The following CACNA2D1 variants were observed in gnomAD, a reference collection of about 807,000 sequenced individuals.
CACNA2D1 encodes the protein calcium voltage-gated channel auxiliary subunit alpha2delta 1.
Under a neutral mutation model 171.5 loss-of-function variants are expected in CACNA2D1, and 53 were observed. That is an observed-to-expected ratio of 0.31 (90% confidence interval 0.25 to 0.39). The LOEUF (loss-of-function observed/expected upper bound fraction) is 0.39. Ranked by LOEUF, CACNA2D1 falls within the 10% of genes least tolerant of loss-of-function variation. The probability of loss-of-function intolerance (pLI) is 1.00; values close to 1 mark genes in which losing one functional copy is unlikely to be tolerated. For missense variants in CACNA2D1, 903 were observed against 1,299.8 expected, an observed-to-expected ratio of 0.69 and a Z score of 4.69; for synonymous variants, 442 against 443.1, an observed-to-expected ratio of 1.00 and a Z score of 0.03.
intron 24 of CACNA2D1, among the ~76,000 whole-genome samples, chr7:81,980,403 C>A (rs1195647374): frequency 6.6e-6 from 1 of 151,924 alleles, no homozygotes; most frequent in Non-Finnish European, 1.5e-5. Flanking sequence ...TGTGCTCCAA[C>A]AAAAATTTAT....
At chr7:82,353,647 T>C (rs1820098133) in intron 1 of CACNA2D1, among the ~76,000 whole-genome samples, 1 of 151,708 alleles carries the variant, frequency 6.6e-6, no homozygotes, top group African/African-American at 2.4e-5. Context: ...CCAAGAACAA[T>C]GGTATCACAA....
intron 7 of CACNA2D1, among the ~76,000 whole-genome samples, chr7:82,067,973 C>G (rs1348628900): frequency 1.3e-5 from 2 of 152,142 alleles, no homozygotes; most frequent in African/African-American, 4.8e-5. Context: ...CCTTTCAATA[C>G]TTTTCCTTTA....
intron 24 of CACNA2D1, among the ~76,000 whole-genome samples, chr7:81,978,582 G>C (rs1442038055): frequency 6.6e-6 from 1 of 151,868 alleles, no homozygotes; most frequent in Non-Finnish European, 1.5e-5. Context: ...GCCTGTTGGG[G>C]GGCAAGGGGA....
intron 3 of CACNA2D1, among the ~76,000 whole-genome samples, chr7:82,188,067 G>A (rs962945102): frequency 1.3e-5 from 2 of 152,242 alleles, no homozygotes; most frequent in African/African-American, 4.8e-5. Context: ...TGGTGAGGGA[G>A]CTCTCTGGGG....
At position 82,420,703 on chromosome 7, in the gene CACNA2D1, C is replaced by T. The variant is rs1035628386; in HGVS notation, c.95+22662G>A. Among the ~76,000 whole-genome samples, 7 of 152,022 alleles carry T rather than the reference C, an allele frequency of 4.6e-5. 1 individual carries two copies. The highest frequency in any genetic ancestry group is 2.0e-4 in the Admixed American group (3 of 15,248). The stretch of plus-strand genomic sequence containing the variant: ...GCTTTAAATGTTTTGAAGTCCTTGC[C>T]GCATTATTTATAAACAACAACTTTG... On this transcript the variant is annotated intron_variant, in intron 1 of 38. Transcript: ENST00000356860.
chr7:82,051,213 T>C (rs1017343689), intron 10 of CACNA2D1: 2 of 152,302 alleles, frequency 1.3e-5, no homozygotes, highest in African/African-American at 2.4e-5. Flanking sequence ...CACAGAGGTC[T>C]GGACCCAGGA....
At chr7:82,142,488 G>A (rs1427781007) in intron 4 of CACNA2D1, among the ~76,000 whole-genome samples, 2 of 152,136 alleles carry the variant, frequency 1.3e-5, no homozygotes, top group Non-Finnish European at 2.9e-5. Flanking sequence ...AAAATCTGAG[G>A]CACACATGCA....
At chr7:82,104,083 T>C (rs1468590035) in intron 6 of CACNA2D1, among the ~76,000 whole-genome samples, 1 of 152,038 alleles carries the variant, frequency 6.6e-6, no homozygotes, top group Non-Finnish European at 1.5e-5. Context: ...TAGAATACTG[T>C]AATATTTGTG....
chr7:82,269,431 T>C (rs1231249635), intron 3 of CACNA2D1, among the ~76,000 whole-genome samples: 1 of 152,164 alleles, frequency 6.6e-6, no homozygotes, highest in Non-Finnish European at 1.5e-5. Flanking sequence ...CAGCCTCATG[T>C]CTCACCATTT....
At chr7:82,161,427 T>C (rs1390504884) in intron 4 of CACNA2D1, among the ~76,000 whole-genome samples, 1 of 152,014 alleles carries the variant, frequency 6.6e-6, no homozygotes, top group Non-Finnish European at 1.5e-5. Context: ...TGATTAATAA[T>C]CTCAAGATTA....
intron 1 of CACNA2D1, among the ~76,000 whole-genome samples, chr7:82,391,195 G>C (rs1437526276): frequency 4.6e-5 from 7 of 152,136 alleles, no homozygotes; most frequent in Admixed American, 4.6e-4. Flanking sequence ...AGAAAGCACA[G>C]AGTACCAAGG....
rs41469545 is a variant in CACNA2D1, at chr7:81,954,091, T to C, written c.3160-3583A>G. On this transcript the variant is annotated intron_variant, in intron 38 of 38. Transcript: ENST00000356860. ...CCATGTAATGTATTTCATAGAATCA[T>C]TTCAAGTCTTATTATGGCATACATT... 6.5e-3 allele frequency among the ~76,000 whole-genome samples: 987 copies of C among 152,196 alleles called. 12 individuals are homozygous for C. Among genetic ancestry groups the C allele is most frequent in the Non-Finnish European group, 9.1e-3 (620 of 68,012 alleles).
intron 7 of CACNA2D1, among the ~76,000 whole-genome samples, chr7:82,067,108 C>T (rs1344057736): frequency 6.6e-6 from 1 of 152,108 alleles, no homozygotes; most frequent in Non-Finnish European, 1.5e-5. Flanking sequence ...ATGACTTTCA[C>T]AGCCTTTATC....
At chr7:82,019,895 T>C (rs1223382541) in intron 12 of CACNA2D1, among the ~76,000 whole-genome samples, 3 of 152,182 alleles carry the variant, frequency 2.0e-5, no homozygotes, top group African/African-American at 7.2e-5. Context: ...TATATTAATC[T>C]ACTCTGTGTA....
chr7:82,254,983 G>A (rs868533750), intron 3 of CACNA2D1, among the ~76,000 whole-genome samples: 3 of 152,054 alleles, frequency 2.0e-5, no homozygotes, highest in Non-Finnish European at 2.9e-5. Flanking sequence ...GATATAAAAT[G>A]TATTCATTTA....
intron 12 of CACNA2D1, among the ~76,000 whole-genome samples, chr7:82,019,409 A>T (rs1198376962): frequency 1.3e-5 from 2 of 152,342 alleles, no homozygotes; most frequent in East Asian, 3.9e-4. Context: ...TTGTTTCAAA[A>T]CTATTTTTCT....
At chr7:82,149,785 AACAAACAAC>A (rs1793583173) in intron 4 of CACNA2D1, among the ~76,000 whole-genome samples, 1 of 144,848 alleles carries the variant, frequency 6.9e-6, no homozygotes, top group Non-Finnish European at 1.5e-5. Flanking sequence ...AAAAAAAACA[AACAAACAAC>A]AAAAAAAAAA....
At chr7:82,302,827 G>C (rs1813196933) in intron 3 of CACNA2D1, among the ~76,000 whole-genome samples, 1 of 152,084 alleles carries the variant, frequency 6.6e-6, no homozygotes, top group Non-Finnish European at 1.5e-5. Flanking sequence ...ACAAATATAA[G>C]CTAAATATAA....
In CACNA2D1 at chr7:82,349,559, T is replaced by G. The variant is rs370836520; in HGVS notation, c.177+9A>C. ...AGATTAAGAAATCTCTTTGGTGGAT[T>G]TTACTCACATCAACAAGCTGATTGA... On this transcript the variant is annotated intron_variant, in intron 2 of 38. Coordinates refer to ENST00000356860, the MANE Select transcript of CACNA2D1 (RefSeq NM_000722.4). 5.0e-6 allele frequency: 8 copies of G among 1,608,184 alleles called. No homozygotes were observed. In the African/African-American group the frequency reaches 9.4e-5, roughly 19 times the overall value.
Sources: allele counts gnomAD v4.1 joint callset (sites outside exome capture counted in the v4.1 genomes callset), GRCh38; gene constraint gnomAD v4.1.1; transcripts MANE v1.5; gene names NCBI Gene and HGNC (gene_info 2026-07-23, HGNC 2026-07-21).